CIT: variants seen among roughly 807,000 people sequenced by gnomAD.
CIT encodes the protein citron rho-interacting serine/threonine kinase.
In CIT, 79 loss-of-function variants were observed where a neutral mutation model predicts 272.7. The ratio of observed to expected loss-of-function variants is 0.29; its 90% confidence interval spans 0.24 to 0.35. The LOEUF is 0.35. CIT is among the 10% of genes least tolerant of loss of function. The pLI, the probability that CIT is intolerant of heterozygous loss-of-function variation, is 1.00. For missense variants in CIT, 1,909 were observed against 2,618.3 expected, an observed-to-expected ratio of 0.73 and a Z score of 5.91; for synonymous variants, 948 against 995.6, an observed-to-expected ratio of 0.95 and a Z score of 0.90.
intron 15 of CIT, 122 bp from the exon 16 acceptor site, chr12:119,775,961 C>A: frequency 1.4e-6 from 1 of 725,054 alleles, no homozygotes; most frequent in South Asian, 1.9e-5. Context: ...TTTCCAGAAC[C>A]TATTAAGGGA....
At chr12:119,776,121 A>G (rs545173720) in intron 15 of CIT, among the ~76,000 whole-genome samples, 2 of 152,232 alleles carry the variant, frequency 1.3e-5, no homozygotes, top group Non-Finnish European at 2.9e-5. Context: ...ACTTTTTACT[A>G]AGTGTCTGGG....
At chr12:119,774,762 C>T (rs978118012) in intron 16 of CIT, among the ~76,000 whole-genome samples, 23 of 151,922 alleles carry the variant, frequency 1.5e-4, no homozygotes, top group African/African-American at 5.3e-4. Context: ...CACTTGAGTC[C>T]AGGTGTTTGA....
intron 5 of CIT, among the ~76,000 whole-genome samples, chr12:119,846,671 A>C (rs1969828181): frequency 6.6e-6 from 1 of 152,208 alleles, no homozygotes; most frequent in African/African-American, 2.4e-5. Context: ...TGGGAAGCCA[A>C]GGCAGGAGGA....
At chr12:119,773,072 G>C (rs779656897) in intron 16 of CIT, among the ~76,000 whole-genome samples, 162 bp from the exon 17 acceptor site, 28 of 148,872 alleles carry the variant, frequency 1.9e-4, no homozygotes, top group Non-Finnish European at 3.4e-4. Flanking sequence ...AGGTAATACT[G>C]AATTTACCAT....
intron 2 of CIT, among the ~76,000 whole-genome samples, chr12:119,870,479 G>C (rs149301124): frequency 2.9e-3 from 412 of 141,414 alleles, no homozygotes; most frequent in Non-Finnish European, 4.4e-3. Context: ...GCACCCGGGA[G>C]ATGGAGGTTG....
chr12:119,852,444 T>C (rs1400135205), intron 4 of CIT, among the ~76,000 whole-genome samples: 1 of 152,202 alleles, frequency 6.6e-6, no homozygotes, highest in Non-Finnish European at 1.5e-5. Flanking sequence ...CCAGGTGTGG[T>C]GGCTCACGCC....
intron 9 of CIT, among the ~76,000 whole-genome samples, chr12:119,815,105 AACACACACACAC>A (rs3858712): frequency 4.2e-5 from 6 of 143,100 alleles, no homozygotes; most frequent in East Asian, 2.0e-4. Context: ...ACACACACAC[AACACACACACAC>A]ACACACACAC....
In CIT at chr12:119,710,487, AT is replaced by A. The variant is rs1477577053; in HGVS notation, c.4935+52del. The A allele has an allele frequency of 5.0e-6, 8 of 1,613,014 alleles. No homozygotes were observed. The highest frequency in any genetic ancestry group is 1.7e-5 in the Admixed American group (1 of 59,952). Reference sequence around the variant, plus strand: ...GGCCTCCACAGCCCTTTCTTTCTTGATGGGGTGTGGCTGTAACCAGACACCA... The same window carrying A: ...GGCCTCCACAGCCCTTTCTTTCTTGAGGGGTGTGGCTGTAACCAGACACCA... On this transcript the variant is annotated intron_variant, in intron 38 of 47. Transcript: ENST00000392521. The surrounding 1 kb of genome is among the most constrained non-coding windows in gnomAD (Gnocchi z 5.6).
chr12:119,723,177 T>C (rs1957892346), intron 28 of CIT, among the ~76,000 whole-genome samples: 1 of 152,058 alleles, frequency 6.6e-6, no homozygotes, highest in South Asian at 2.1e-4. Context: ...ACAGCTAAGA[T>C]ACCCTCCTCC....
rs1957222451 is a variant in CIT, at chr12:119,712,568, G to GGGCTGCTCC, written c.4684+22_4684+23insGGAGCAGCC. 3 of 1,608,808 alleles carry GGGCTGCTCC rather than the reference G, an allele frequency of 1.9e-6. No individual in the cohort carries two copies. The highest frequency in any genetic ancestry group is 2.6e-6 in the Non-Finnish European group (3 of 1,175,356). ...CCAAGCCCGGCCCACCTCCAGGGCG[G>GGGCTGCTCC]GGCTCCTCCGGCTCCTCCTCACCTG... On this transcript the variant is annotated intron_variant, in intron 36 of 47. Coordinates refer to ENST00000392521, the MANE Select transcript of CIT (RefSeq NM_001206999.2). The surrounding 1 kb of genome is among the most constrained non-coding windows in gnomAD (Gnocchi z 5.2).
intron 5 of CIT, among the ~76,000 whole-genome samples, chr12:119,845,116 T>C (rs1176845510): frequency 1.3e-5 from 2 of 150,448 alleles, no homozygotes; most frequent in Non-Finnish European, 2.9e-5. Context: ...CGAGACTCTA[T>C]CTCAAAAAAA....
rs1205902487 is a variant in CIT at position 119,772,857 on chromosome 12, T to A, written c.1995A>T (p.Ala665=). 1 of 1,614,016 alleles carries A rather than the reference T, an allele frequency of 6.2e-7. No individual in the cohort carries two copies. ...ATELLQNIRQ[A]KERAERELEK... is the part of the protein sequence containing the mutation. ...CCAGCTCCCTCTCGGCTCGCTCCTTTGCCTGGCGGATATTCTGCAGCAGCT... is the reference window on the plus strand; with the variant it reads ...CCAGCTCCCTCTCGGCTCGCTCCTTAGCCTGGCGGATATTCTGCAGCAGCT... The change falls in exon 17 of 48, where the codon GCA becomes GCT. Residue 665 remains alanine (A), a synonymous_variant. Coordinates refer to ENST00000392521, the MANE Select transcript of CIT (RefSeq NM_001206999.2).
chr12:119,761,089 G>GCTTGGCTCCT, intron 19 of CIT, 34 bp from the exon 20 acceptor site: 1 of 1,477,486 alleles, frequency 6.8e-7, no homozygotes, highest in African/African-American at 1.4e-5. Flanking sequence ...AATGTTCTCA[G>GCTTGGCTCCT]GAGCCAAGCT....
intron 3 of CIT, among the ~76,000 whole-genome samples, chr12:119,864,988 AC>A (rs1288296479): frequency 5.3e-5 from 8 of 152,118 alleles, no homozygotes; most frequent in Non-Finnish European, 1.2e-4. Flanking sequence ...GATTCAAAAA[AC>A]CTGGGCAGAA....
At position 119,740,942 on chromosome 12, in the gene CIT, CCTA is replaced by C. The variant is rs567648228; in HGVS notation, c.2958+1466_2958+1468del. ...GACCAAAAAACTGGTCTGTCAGTTC[CCTA>C]CTAAAGTCAAACAGAGGCAAATCTC... On this transcript the variant is annotated intron_variant, in intron 24 of 47. Transcript: ENST00000392521. 5.2e-4 allele frequency among the ~76,000 whole-genome samples: 79 copies of C among 152,174 alleles called. 1 individual carries two copies. The highest frequency in any genetic ancestry group is 1.6e-3 in the African/African-American group (66 of 41,524).
chr12:119,713,843 T>C lies in CIT; in HGVS notation c.4307-195A>G, dbSNP rs1481014237. On this transcript the variant is annotated intron_variant, in intron 33 of 47. Coordinates refer to ENST00000392521, the MANE Select transcript of CIT (RefSeq NM_001206999.2). This position sits in a 1 kb window ranked among gnomAD's most constrained non-coding sequence, Gnocchi z 5.2. The stretch of plus-strand genomic sequence containing the variant: ...GGGAAAACAAAAGTGCCAAGTGCTC[T>C]TGACCCAGTTTTCCAGGCTTCAATC... The C allele has an allele frequency of 3.1e-6, 2 of 635,874 alleles. No individual in the cohort carries two copies. Among genetic ancestry groups the C allele is most frequent in the Admixed American group, 2.9e-5 (1 of 34,398 alleles). 39.4% of individuals were successfully genotyped at this position (635,874 alleles called of 1,614,324 possible).
intron 13 of CIT, chr12:119,782,294 G>T: frequency 2.4e-6 from 1 of 412,590 alleles, no homozygotes; most frequent in South Asian, 4.4e-5. Context: ...CAGACATTAT[G>T]GGGTATCAGC....
intron 27 of CIT, among the ~76,000 whole-genome samples, chr12:119,729,267 A>C (rs1593502348): frequency 6.6e-6 from 1 of 152,234 alleles, no homozygotes; most frequent in Non-Finnish European, 1.5e-5. Flanking sequence ...ATGGTAACCC[A>C]GTTTCAGGGA....
chr12:119,700,840 G>C lies in CIT; in HGVS notation c.5543-15C>G. ...CACTCCAAATTCTGCAAGGTGTCAA[G>C]AGCACGTGGGCATTAGCACAGCCAA... On this transcript the variant is annotated splice_polypyrimidine_tract_variant and intron_variant, in intron 43 of 47. Coordinates refer to ENST00000392521, the MANE Select transcript of CIT (RefSeq NM_001206999.2). The C allele has an allele frequency of 6.2e-7, 1 of 1,609,454 alleles. No individual in the cohort carries two copies. The highest frequency in any genetic ancestry group is 8.5e-7 in the Non-Finnish European group (1 of 1,176,014).
Sources: gnomAD v4.1 joint callset for allele counts (sites outside exome capture counted in the v4.1 genomes callset) on GRCh38, gnomAD v4.1.1 for gene constraint, Gnocchi (gnomAD v3.1) non-coding constraint, MANE v1.5 for transcripts, NCBI Gene and HGNC (gene_info 2026-07-23, HGNC 2026-07-21) for gene names.